The following PCDHA10 variants were observed in gnomAD, a reference collection of about 807,000 sequenced individuals.
The protein encoded by PCDHA10 is protocadherin alpha-10.
A neutral mutation model predicts 61.2 loss-of-function variants in PCDHA10; 45 were observed. The observed-to-expected ratio is 0.74, with a 90% CI of 0.58 to 0.94. The LOEUF (loss-of-function observed/expected upper bound fraction) is 0.94, where lower values mean the gene tolerates loss of function less well. Among genes scored for constraint, PCDHA10 ranks in the 40% least tolerant of loss-of-function variants. The pLI, the probability that PCDHA10 is intolerant of heterozygous loss-of-function variation, is 0.00. For synonymous variants in PCDHA10, 602 were observed against 548.8 expected (o/e 1.10, Z -1.35); for missense variants, 1,278 against 1,236.2 (o/e 1.03, Z -0.51).
intron 1 of PCDHA10, among the ~76,000 whole-genome samples, chr5:140,975,246 G>T (rs1304794782): frequency 6.6e-6 from 1 of 152,136 alleles, no homozygotes; most frequent in Non-Finnish European, 1.5e-5. Context: ...TCCCTCTTAT[G>T]CTTCAGATCT....
chr5:140,994,483 G>A (rs1356969213), intron 3 of PCDHA10, among the ~76,000 whole-genome samples: 1 of 152,062 alleles, frequency 6.6e-6, no homozygotes, highest in East Asian at 1.9e-4. Context: ...CGGGTGGATT[G>A]CCTGAACCCA....
intron 1 of PCDHA10, chr5:140,881,315 A>G: frequency 1.0e-6 from 1 of 981,768 alleles, no homozygotes; most frequent in Non-Finnish European, 1.2e-6. Flanking sequence ...TCCTGGTTAA[A>G]TTCTATTTAA....
At chr5:140,891,196 A>C (rs1043715116) in intron 1 of PCDHA10, among the ~76,000 whole-genome samples, 5 of 151,974 alleles carry the variant, frequency 3.3e-5, no homozygotes, top group Non-Finnish European at 7.4e-5. Context: ...GATATTTTGC[A>C]GTTTTACCAT....
rs782017107 is a variant in PCDHA10 at position 140,968,690 on chromosome 5, A to G, written c.2389-10259A>G. ...TAAGGTAGAGCTGCACACAGGAGAAATTAGGACTACCAGGAAGATGGGAGA... is the reference window on the plus strand; with the variant it reads ...TAAGGTAGAGCTGCACACAGGAGAAGTTAGGACTACCAGGAAGATGGGAGA... On this transcript the variant is annotated intron_variant, in intron 1 of 3. Transcript: ENST00000307360. 60 of 1,614,030 alleles carry G rather than the reference A, an allele frequency of 3.7e-5. No individual in the cohort carries two copies. The highest frequency in any genetic ancestry group is 4.8e-5 in the Non-Finnish European group (57 of 1,180,040).
rs782716439 is a variant in PCDHA10, at chr5:140,858,074, A to C, written c.2026A>C (p.Lys676Gln). ...VSLVEGSQAP[K>Q]ASSRASVGVA... The stretch of plus-strand genomic sequence containing the variant: ...GCTTGTGGAGGGCAGCCAGGCACCC[A>C]AGGCCTCGTCGCGGGCTTCAGTGGG... The change falls in exon 1 of 4, where the codon AAG (lysine) becomes CAG (glutamine). Residue 676 changes from lysine (K) to glutamine (Q), a missense_variant. Coordinates refer to ENST00000307360, the MANE Select transcript of PCDHA10 (RefSeq NM_018901.4). 3 of 1,597,526 alleles carry C rather than the reference A, an allele frequency of 1.9e-6. No homozygotes were observed. The African/African-American group carries it at 4.0e-5, about 21-fold the overall frequency.
chr5:140,928,829 T>C, intron 1 of PCDHA10: 1 of 1,614,170 alleles, frequency 6.2e-7, no homozygotes, highest in Non-Finnish European at 8.5e-7. Context: ...GACCCACCAC[T>C]TTCCTCCTCT....
At position 140,967,833 on chromosome 5, in the gene PCDHA10, T is replaced by G. The variant is rs1554229998; in HGVS notation, c.2389-11116T>G. The G allele has an allele frequency of 1.2e-6, 2 of 1,614,014 alleles. No homozygotes were observed. The highest frequency in any genetic ancestry group is 4.5e-5 in the East Asian group (2 of 44,876). On this transcript the variant is annotated intron_variant, in intron 1 of 3. Transcript: ENST00000307360. The stretch of plus-strand genomic sequence containing the variant: ...CACTGCAAGGTGCTGGTGGACATCG[T>G]GGACGTGAATGACAATGCCCCAGAG...
At chr5:140,929,457 G>A (rs975305297) in intron 1 of PCDHA10, 25 of 1,362,276 alleles carry the variant, frequency 1.8e-5, no homozygotes, top group Non-Finnish European at 2.4e-5. Flanking sequence ...AGCACTTCCT[G>A]TGCCAAGAAA....
intron 1 of PCDHA10, among the ~76,000 whole-genome samples, chr5:140,946,434 T>C (rs1554217579): frequency 2.0e-5 from 3 of 151,312 alleles, no homozygotes; most frequent in South Asian, 2.1e-4. Context: ...TACTCAAAAA[T>C]TGAGACTAAA....
intron 1 of PCDHA10, chr5:140,926,516 G>C: frequency 5.0e-6 from 1 of 198,082 alleles, no homozygotes; most frequent in Non-Finnish European, 1.0e-5. Context: ...CCCAGGCTCC[G>C]CCCTGCGCCC....
At position 140,857,921 on chromosome 5, in the gene PCDHA10, C is replaced by A. The variant is rs1554150855; in HGVS notation, c.1873C>A (p.Leu625Met). Residue 625 changes from leucine (L) to methionine (M), a missense_variant, in exon 1 of 4, where the codon CTG (leucine) becomes ATG (methionine). Physicochemically the swap from Leu to Met is conservative, Grantham distance 15. Coordinates refer to ENST00000307360, the MANE Select transcript of PCDHA10 (RefSeq NM_018901.4). ...VGARIPFRVG[L>M]YTGEISTTRA... is the part of the protein sequence containing the mutation. ...TGCACGCATCCCGTTTCGCGTGGGG[C>A]TGTACACGGGCGAGATCAGTACGAC... 4 of 1,597,628 alleles carry A rather than the reference C, an allele frequency of 2.5e-6. No homozygotes were observed. The Admixed American group carries it at 6.7e-5, about 27-fold the overall frequency.
intron 3 of PCDHA10, among the ~76,000 whole-genome samples, chr5:140,993,561 T>C (rs1282310511): frequency 6.6e-6 from 1 of 151,800 alleles, no homozygotes; most frequent in Non-Finnish European, 1.5e-5. Flanking sequence ...GTATATAGTA[T>C]CCTTTCTAGG....
chr5:140,953,607 G>A (rs1040886184), intron 1 of PCDHA10, among the ~76,000 whole-genome samples: 21 of 152,152 alleles, frequency 1.4e-4, no homozygotes, highest in African/African-American at 4.8e-4. Flanking sequence ...ATTCCCCAGA[G>A]TCCTTAGATA....
intron 1 of PCDHA10, among the ~76,000 whole-genome samples, chr5:140,873,786 G>A (rs1354744282): frequency 3.3e-5 from 5 of 152,056 alleles, no homozygotes; most frequent in Non-Finnish European, 7.4e-5. Flanking sequence ...TCAGCTTTCC[G>A]AGAAGCTGGG....
intron 1 of PCDHA10, among the ~76,000 whole-genome samples, chr5:140,913,872 G>A (rs2076493472): frequency 6.6e-6 from 1 of 151,980 alleles, no homozygotes; most frequent in Non-Finnish European, 1.5e-5. Flanking sequence ...TAATTTCCAT[G>A]TGTTCATGTA....
Position 140,927,865 on chromosome 5 carries a change from A to G in PCDHA10, c.2389-51084A>G, listed in dbSNP as rs576160357. 6.8e-6 allele frequency: 11 copies of G among 1,614,110 alleles called. No homozygotes were observed. In the Admixed American group the frequency reaches 1.3e-4, roughly 20 times the overall value. On this transcript the variant is annotated intron_variant, in intron 1 of 3. Transcript: ENST00000307360. Reference sequence around the variant, plus strand: ...TGTCTTTGGTTTAGCTAGCACCGCTAAACTGCTGGTGGAGGTGACTGACGT... The same window carrying G: ...TGTCTTTGGTTTAGCTAGCACCGCTGAACTGCTGGTGGAGGTGACTGACGT...
At chr5:140,929,376 G>C in intron 1 of PCDHA10, 1 of 1,513,958 alleles carries the variant, frequency 6.6e-7, no homozygotes, top group Non-Finnish European at 8.8e-7. Flanking sequence ...ATGGCTGCTA[G>C]CTGTGTTTTG....
At chr5:140,877,207 G>C in intron 1 of PCDHA10, 3 of 1,613,796 alleles carry the variant, frequency 1.9e-6, no homozygotes, top group Non-Finnish European at 2.5e-6. Context: ...CGCAGTTAGC[G>C]AGTTGGTACC....
intron 3 of PCDHA10, among the ~76,000 whole-genome samples, chr5:141,009,296 T>A (rs889577032): frequency 3.3e-4 from 50 of 152,004 alleles, no homozygotes; most frequent in Non-Finnish European, 5.3e-4. Context: ...TTCTATAAAA[T>A]TTTTTTTAAA....
Sources: allele counts gnomAD v4.1 joint callset (sites outside exome capture counted in the v4.1 genomes callset), GRCh38; gene constraint gnomAD v4.1.1; transcripts MANE v1.5; gene names NCBI Gene and HGNC (gene_info 2026-07-23, HGNC 2026-07-21).